The following LOC400499 variants were observed in gnomAD, a reference collection of about 807,000 sequenced individuals.
the LOC400499 span, among the ~76,000 whole-genome samples, chr16:11,456,054 T>C: frequency 6.6e-6 from 1 of 151,528 alleles, no homozygotes; most frequent in African/African-American, 2.4e-5. Flanking sequence ...TTTTTTTTTT[T>C]TTTTCCTGAG....
At chr16:11,516,857 G>A in the LOC400499 span, among the ~76,000 whole-genome samples, 1 of 152,152 alleles carries the variant, frequency 6.6e-6, no homozygotes, top group Non-Finnish European at 1.5e-5. Flanking sequence ...ACGTTGCCCA[G>A]GCTGATCTCA....
At chr16:11,495,975 G>A in the LOC400499 span, among the ~76,000 whole-genome samples, 1 of 152,130 alleles carries the variant, frequency 6.6e-6, no homozygotes, top group East Asian at 1.9e-4. Flanking sequence ...GGCCCTGGCT[G>A]TGAACAGGGG....
chr16:11,501,517 G>A, the LOC400499 span, among the ~76,000 whole-genome samples: 47 of 152,074 alleles, frequency 3.1e-4, no homozygotes, highest in Non-Finnish European at 5.3e-4. Context: ...CTACCAAGTC[G>A]AGCTAACTTT....
the LOC400499 span, chr16:11,446,944 T>C: frequency 6.6e-7 from 1 of 1,515,666 alleles, no homozygotes; most frequent in African/African-American, 1.4e-5. Flanking sequence ...GCCAAAGCCA[T>C]TAAAGCAGCT....
the LOC400499 span, among the ~76,000 whole-genome samples, chr16:11,448,373 T>G: frequency 6.6e-6 from 1 of 152,200 alleles, no homozygotes; most frequent in Non-Finnish European, 1.5e-5. Context: ...AGGGTCCATT[T>G]CACAGGCCAA....
At chr16:11,459,302 T>G in the LOC400499 span, among the ~76,000 whole-genome samples, 2 of 147,536 alleles carry the variant, frequency 1.4e-5, no homozygotes, top group Non-Finnish European at 3.0e-5. Flanking sequence ...GTTCAAGCCA[T>G]TCTCCTGCCT....
the LOC400499 span, chr16:11,459,909 T>C: frequency 1.6e-5 from 23 of 1,434,466 alleles, no homozygotes; most frequent in African/African-American, 3.0e-4. Flanking sequence ...CATGAAGTGA[T>C]TGCTCAGGGC....
At chr16:11,391,598 A>C in the LOC400499 span, 6 of 1,192,198 alleles carry the variant, frequency 5.0e-6, no homozygotes, top group Non-Finnish European at 5.3e-6. Flanking sequence ...GTGAGCGCTT[A>C]GGGCCCCGGT....
chr16:11,388,824 G>C, the LOC400499 span, among the ~76,000 whole-genome samples: 1 of 152,156 alleles, frequency 6.6e-6, no homozygotes, highest in Non-Finnish European at 1.5e-5. Context: ...GGCTGGGCTT[G>C]GTGGCTCATG....
chr16:11,413,034 G>C, the LOC400499 span: 5 of 398,088 alleles, frequency 1.3e-5, no homozygotes, highest in Admixed American at 8.8e-5. Context: ...CCCCAGCCGA[G>C]CTCTATAGCC....
the LOC400499 span, among the ~76,000 whole-genome samples, chr16:11,421,407 T>C: frequency 6.6e-6 from 1 of 151,516 alleles, no homozygotes; most frequent in Non-Finnish European, 1.5e-5. Context: ...ATTTTTTGTG[T>C]TGTTTTTTTT....
chr16:11,376,468 T>C, the LOC400499 span, among the ~76,000 whole-genome samples: 1 of 152,224 alleles, frequency 6.6e-6, no homozygotes, highest in South Asian at 2.1e-4. Context: ...CCCAATTCAA[T>C]AGTCTTGGCA....
the LOC400499 span, chr16:11,523,535 G>A: frequency 3.0e-5 from 12 of 398,292 alleles, no homozygotes; most frequent in African/African-American, 1.8e-4. Flanking sequence ...ATAGCCCCAC[G>A]CTATGGGCCA....
the LOC400499 span, among the ~76,000 whole-genome samples, chr16:11,479,216 C>T: frequency 2.0e-5 from 3 of 152,140 alleles, no homozygotes; most frequent in Non-Finnish European, 1.5e-5. Context: ...AAATCCCAAC[C>T]CCAGATGTGT....
the LOC400499 span, among the ~76,000 whole-genome samples, chr16:11,421,064 G>A: frequency 6.6e-6 from 1 of 152,202 alleles, no homozygotes; most frequent in Non-Finnish European, 1.5e-5. Flanking sequence ...AGGCCTGCCT[G>A]CTAGGCCTCT....
chr16:11,418,205 G>T, the LOC400499 span, among the ~76,000 whole-genome samples: 71 of 152,256 alleles, frequency 4.7e-4, no homozygotes, highest in African/African-American at 1.7e-3. Flanking sequence ...AAAGTTGTTG[G>T]AACACAGCCC....
At chr16:11,466,574 A>G in the LOC400499 span, among the ~76,000 whole-genome samples, 1 of 151,968 alleles carries the variant, frequency 6.6e-6, no homozygotes, top group Non-Finnish European at 1.5e-5. Context: ...TTTTTGGTAG[A>G]GACGGGGTTT....
the LOC400499 span, among the ~76,000 whole-genome samples, chr16:11,482,137 A>T: frequency 1.3e-5 from 2 of 152,232 alleles, no homozygotes; most frequent in Admixed American, 6.5e-5. Context: ...CAGGCTCAAC[A>T]ATGGTTCCCA....
At chr16:11,414,663 G>C in the LOC400499 span, 1 of 397,886 alleles carries the variant, frequency 2.5e-6, no homozygotes, top group Non-Finnish European at 4.4e-6. Context: ...GTGCTGGGTG[G>C]GGTCAACCCC....
Sources: gnomAD v4.1 joint callset for allele counts (sites outside exome capture counted in the v4.1 genomes callset) on GRCh38, gnomAD v4.1.1 for gene constraint, MANE v1.5 for transcripts.